The following ADGRB1 variants were observed in gnomAD, a reference collection of about 807,000 sequenced individuals.
ADGRB1 encodes the protein adhesion G protein-coupled receptor B1.
In ADGRB1, 36 loss-of-function variants were observed where a neutral mutation model predicts 175.7. The observed-to-expected ratio is 0.20, with a 90% CI of 0.16 to 0.27. The LOEUF (loss-of-function observed/expected upper bound fraction) is 0.27, where lower values mean the gene tolerates loss of function less well. ADGRB1 is among the 10% of genes least tolerant of loss of function. ADGRB1 has a pLI of 1.00. For synonymous variants in ADGRB1, 1,054 were observed against 979.4 expected (o/e 1.08, Z -1.42); for missense variants, 1,731 against 2,255.3 (o/e 0.77, Z 4.71).
At chr8:142,524,816 A>G (rs1844078631) in intron 23 of ADGRB1, among the ~76,000 whole-genome samples, 1 of 152,078 alleles carries the variant, frequency 6.6e-6, no homozygotes, top group Non-Finnish European at 1.5e-5. Context: ...GGAGGAAGGC[A>G]AGACTGTGGC....
In ADGRB1 at chr8:142,522,651, A is replaced by G. The variant is rs1264133350; in HGVS notation, c.3186A>G (p.Ala1062=). 1.9e-6 allele frequency: 3 copies of G among 1,561,504 alleles called. No homozygotes were observed. Among genetic ancestry groups the G allele is most frequent in the South Asian group, 1.2e-5 (1 of 83,954 alleles). ...CTGCTCCTTCTCCAGGGCTCCCTGC[A>G]CTGGTTGTGGCCATTTCTGTGGGAT... ...RFLCLGWGLP[A]LVVAISVGFT... The change falls in exon 22 of 31, where the codon GCA becomes GCG. Residue 1062 remains alanine (A), a synonymous_variant. Coordinates refer to ENST00000517894, the MANE Select transcript of ADGRB1 (RefSeq NM_001702.3).
At chr8:142,522,526 TGGG>T in intron 21 of ADGRB1, 112 bp from the exon 22 acceptor site, 1 of 1,034,258 alleles carries the variant, frequency 9.7e-7, no homozygotes, top group Non-Finnish European at 1.4e-6. Flanking sequence ...CATCCTCTGT[TGGG>T]GGCTTCAGAA....
intron 24 of ADGRB1, among the ~76,000 whole-genome samples, chr8:142,530,191 T>C (rs1024222021): frequency 6.6e-6 from 1 of 151,864 alleles, no homozygotes; most frequent in Non-Finnish European, 1.5e-5. Context: ...GTGTGAGCAT[T>C]GTGTATGTGG....
chr8:142,491,903 G>A (rs1291819067), intron 17 of ADGRB1, among the ~76,000 whole-genome samples: 1 of 152,178 alleles, frequency 6.6e-6, no homozygotes, highest in Non-Finnish European at 1.5e-5. Flanking sequence ...AGGGAGGCAG[G>A]TGGCTCAGGA....
At chr8:142,495,722 A>G (rs891907388) in intron 17 of ADGRB1, among the ~76,000 whole-genome samples, 2 of 151,850 alleles carry the variant, frequency 1.3e-5, no homozygotes, top group Admixed American at 6.6e-5. Context: ...GGACCCCAAT[A>G]ATGGATCTGT....
intron 17 of ADGRB1, among the ~76,000 whole-genome samples, chr8:142,497,493 TGGGGGAGGGGTGCA>T (rs1196586262): frequency 2.9e-5 from 4 of 135,790 alleles, no homozygotes; most frequent in African/African-American, 5.4e-5. Context: ...CAGAGGAGGC[TGGGGGAGGGGTGCA>T]GGGGGAGGGG....
Position 142,543,417 on chromosome 8 carries a change from G to A in ADGRB1, c.4428G>A (p.Arg1476=). The change falls in exon 29 of 31, where the codon CGG becomes CGA. Residue 1476 remains arginine (R), a synonymous_variant. Coordinates refer to ENST00000517894, the MANE Select transcript of ADGRB1 (RefSeq NM_001702.3). The surrounding 1 kb of genome is among the most constrained non-coding windows in gnomAD (Gnocchi z 4.4). ...TCTCCCTGCAGCGGCGGAAGTCGCGGTATGCAGAACTGGACTTTGAGGTGA... is the reference window on the plus strand; with the variant it reads ...TCTCCCTGCAGCGGCGGAAGTCGCGATATGCAGAACTGGACTTTGAGGTGA... ...SVSSLERRKS[R]YAELDFEKIM... is the part of the protein sequence containing the mutation. The A allele has an allele frequency of 6.2e-7, 1 of 1,613,794 alleles. No individual in the cohort carries two copies. The highest frequency in any genetic ancestry group is 1.1e-5 in the South Asian group (1 of 91,070).
In ADGRB1 at chr8:142,464,870, C is replaced by A; in HGVS notation, c.672C>A (p.Ala224=). Residue 224 remains alanine, a synonymous_variant, in exon 2 of 31, where the codon GCC becomes GCA. Transcript: ENST00000517894. ...ACLGGEAGGP[A]AGPLAPRGDV... ...TGGGCGGCGAGGCGGGCGGCCCTGCCGCGGGACCCCTGGCCCCCCGCGGGG... is the reference window on the plus strand; with the variant it reads ...TGGGCGGCGAGGCGGGCGGCCCTGCAGCGGGACCCCTGGCCCCCCGCGGGG... The A allele has an allele frequency of 6.6e-7, 1 of 1,521,228 alleles. No individual in the cohort carries two copies. Among genetic ancestry groups the A allele is most frequent in the Non-Finnish European group, 8.8e-7 (1 of 1,140,234 alleles). 94.2% of individuals were successfully genotyped at this position (1,521,228 alleles called of 1,614,324 possible). A position where few individuals can be genotyped will look rare whatever the true frequency, so the allele number is the denominator to read the frequency against.
At position 142,542,113 on chromosome 8, in the gene ADGRB1, C is replaced by A; in HGVS notation, c.3879C>A (p.Arg1293=). Residue 1293 remains arginine, a synonymous_variant, in exon 28 of 31, where the codon CGC becomes CGA. Coordinates refer to ENST00000517894, the MANE Select transcript of ADGRB1 (RefSeq NM_001702.3). The surrounding 1 kb of genome is among the most constrained non-coding windows in gnomAD (Gnocchi z 6.3). The part of the protein sequence containing the change: ...VSKLHLHGSP[R]YPGGPLPDFP... Reference sequence around the variant, plus strand: ...AGCTGCACCTGCACGGCTCACCCCGCTATCCCGGCGGGCCCCTGCCCGACT... The same window carrying A: ...AGCTGCACCTGCACGGCTCACCCCGATATCCCGGCGGGCCCCTGCCCGACT... 6.2e-7 allele frequency: 1 copy of A among 1,613,518 alleles called. No individual in the cohort carries two copies. Among genetic ancestry groups the A allele is most frequent in the South Asian group, 1.1e-5 (1 of 91,082 alleles).
intron 24 of ADGRB1, among the ~76,000 whole-genome samples, chr8:142,527,121 C>T (rs1383108718): frequency 6.6e-6 from 1 of 152,226 alleles, no homozygotes; most frequent in African/African-American, 2.4e-5. Flanking sequence ...AACCCAAGCC[C>T]AGGGAGTGCT....
In ADGRB1 at chr8:142,479,424, G is replaced by A. The variant is rs549410622; in HGVS notation, c.1663G>A (p.Gly555Arg). ...RERVCSGPFF[G>R]GAACQGPQDE... is the part of the protein sequence containing the mutation. The stretch of plus-strand genomic sequence containing the variant: ...GCGTGTCTGCTCTGGGCCCTTCTTC[G>A]GGGGAGCAGCCTGCCAGGGCCCCCA... The change falls in exon 8 of 31, where the codon GGG (glycine) becomes AGG (arginine). Residue 555 changes from glycine to arginine, a missense_variant. By Grantham distance (125) the Gly-to-Arg change is moderately radical (BLOSUM62 -2). Coordinates refer to ENST00000517894, the MANE Select transcript of ADGRB1 (RefSeq NM_001702.3). 7.7e-6 allele frequency: 12 copies of A among 1,548,468 alleles called. No individual in the cohort carries two copies. In the African/African-American group the frequency reaches 8.4e-5, roughly 11 times the overall value.
chr8:142,513,896 C>G (rs77844506), intron 18 of ADGRB1, among the ~76,000 whole-genome samples: 1,972 of 152,038 alleles, frequency 0.013, 53 homozygotes, highest in African/African-American at 0.045. Flanking sequence ...TGGGGGGCTG[C>G]GGGGAGCCCG....
In ADGRB1 at chr8:142,511,713, C is replaced by T. The variant is rs1380211307; in HGVS notation, c.2817+640C>T. Among the ~76,000 whole-genome samples the T allele has an allele frequency of 3.9e-5, 6 of 152,188 alleles. No homozygotes were observed. The highest frequency in any genetic ancestry group is 1.4e-4 in the African/African-American group (6 of 41,464). ...GCTGGCAGGGGCCCTGGGTGCTGGGCGCAGCTCCCTGGGGCGGGTGGGCTC... is the reference window on the plus strand; with the variant it reads ...GCTGGCAGGGGCCCTGGGTGCTGGGTGCAGCTCCCTGGGGCGGGTGGGCTC... On this transcript the variant is annotated intron_variant, in intron 18 of 30. Transcript: ENST00000517894. The surrounding 1 kb of genome is among the most constrained non-coding windows in gnomAD (Gnocchi z 4.5).
intron 19 of ADGRB1, among the ~76,000 whole-genome samples, chr8:142,519,809 G>A (rs1229444973): frequency 7.9e-5 from 12 of 151,756 alleles, no homozygotes; most frequent in Admixed American, 3.9e-4. Flanking sequence ...TTGTGATGGT[G>A]TTGGTGCTGG....
At chr8:142,520,119 TATG>T (rs796193582) in intron 19 of ADGRB1, among the ~76,000 whole-genome samples, 180 of 114,952 alleles carry the variant, frequency 1.6e-3, no homozygotes, top group Middle Eastern at 0.013. Flanking sequence ...GTAATGATTG[TATG>T]ATGATGATGG....
At chr8:142,535,164 C>T (rs561836942) in intron 25 of ADGRB1, among the ~76,000 whole-genome samples, 2 of 152,328 alleles carry the variant, frequency 1.3e-5, no homozygotes, top group African/African-American at 4.8e-5. Flanking sequence ...AGAGATTTCT[C>T]AAACAATTAG....
In ADGRB1 at chr8:142,449,900, G is replaced by A. The variant is rs1236664531; in HGVS notation, c.-424G>A. ...GGGCTCCAGCAGGCGCGGGGGAACG[G>A]GAGGGGGCCTGCGTGCGCCGGCGGG... On this transcript the variant is annotated 5_prime_UTR_variant, in exon 1 of 31. Transcript: ENST00000517894. 6.7e-6 allele frequency: 1 copy of A among 148,260 alleles called. No individual in the cohort carries two copies. Among genetic ancestry groups the A allele is most frequent in the Non-Finnish European group, 1.5e-5 (1 of 66,462 alleles). 9.2% of individuals were successfully genotyped at this position (148,260 alleles called of 1,614,324 possible). A position where few individuals can be genotyped will look rare whatever the true frequency, so the allele number is the denominator to read the frequency against.
chr8:142,475,431 G>A (rs1840905973), intron 2 of ADGRB1, 43 bp from the exon 3 acceptor site: 1 of 1,266,044 alleles, frequency 7.9e-7, no homozygotes. Flanking sequence ...CAGGCCACGA[G>A]CCCCTGCCCT....
At chr8:142,465,660 C>T (rs559022182) in intron 2 of ADGRB1, among the ~76,000 whole-genome samples, 4 of 152,092 alleles carry the variant, frequency 2.6e-5, no homozygotes, top group Admixed American at 2.0e-4. Context: ...CACGAAGACA[C>T]GAGCAGCCAG....
Sources: gnomAD v4.1 joint callset for allele counts (sites outside exome capture counted in the v4.1 genomes callset) on GRCh38, gnomAD v4.1.1 for gene constraint, Gnocchi (gnomAD v3.1) non-coding constraint, MANE v1.5 for transcripts, NCBI Gene and HGNC (gene_info 2026-07-23, HGNC 2026-07-21) for gene names.